IL1R2: variants seen among roughly 807,000 people sequenced by gnomAD.
IL1R2 encodes interleukin-1 receptor type 2.
IL1R2 carries 46 observed loss-of-function variants against 39.5 expected under a neutral mutation model. The observed-to-expected ratio is 1.16, with a 90% CI of 0.92 to 1.49. The LOEUF (loss-of-function observed/expected upper bound fraction) is 1.49. Among genes scored for constraint, IL1R2 ranks in the 40% most tolerant of loss-of-function variants. The pLI is 0.00. For synonymous variants in IL1R2, 207 were observed against 189.6 expected, an observed-to-expected ratio of 1.09 and a Z score of -0.75; for missense variants, 537 against 502.0, an observed-to-expected ratio of 1.07 and a Z score of -0.67.
chr2:102,007,801 C>T (rs1285050111), intron 1 of IL1R2, among the ~76,000 whole-genome samples: 1 of 152,184 alleles, frequency 6.6e-6, no homozygotes, highest in Non-Finnish European at 1.5e-5. Context: ...AATTATATTC[C>T]TCTTATACTC....
rs749273300 is a variant in IL1R2, at chr2:102,022,293, G to T, written c.751+44G>T. 4 of 1,534,082 alleles carry T rather than the reference G, an allele frequency of 2.6e-6. No homozygotes were observed. In the Admixed American group the frequency reaches 6.7e-5, roughly 26 times the overall value. On this transcript the variant is annotated intron_variant, in intron 6 of 8. Transcript: ENST00000332549. ...ATGCATTCCACGCACCTGTGGGGGT[G>T]CCTGGTATCCCAATGCAGGGGGCTT...
At chr2:102,004,074 A>G (rs374162128) in intron 1 of IL1R2, among the ~76,000 whole-genome samples, 2 of 150,556 alleles carry the variant, frequency 1.3e-5, no homozygotes, top group African/African-American at 4.9e-5. Context: ...TAGAAAGAGA[A>G]GAAGAGGGAG....
chr2:101,999,992 T>C (rs950442519), intron 1 of IL1R2, among the ~76,000 whole-genome samples: 2 of 152,232 alleles, frequency 1.3e-5, no homozygotes, highest in Non-Finnish European at 2.9e-5. Flanking sequence ...ATTTTTAGTA[T>C]AGTAACTGGT....
intron 4 of IL1R2, among the ~76,000 whole-genome samples, chr2:102,019,304 A>C (rs1301808512): frequency 6.6e-6 from 1 of 152,336 alleles, no homozygotes; most frequent in African/African-American, 2.4e-5. Context: ...ATACTTCCTA[A>C]GGCCTGAAGG....
chr2:102,020,532 G>A (rs1247878015), intron 5 of IL1R2, among the ~76,000 whole-genome samples: 1 of 152,194 alleles, frequency 6.6e-6, no homozygotes, highest in East Asian at 1.9e-4. Flanking sequence ...CTTTTGAGGG[G>A]ATTTCAGAGA....
chr2:102,001,682 G>A (rs1675868832), intron 1 of IL1R2, among the ~76,000 whole-genome samples: 1 of 152,180 alleles, frequency 6.6e-6, no homozygotes, highest in Non-Finnish European at 1.5e-5. Flanking sequence ...CTGTATCTGA[G>A]TCTAGAAAGT....
chr2:102,004,298 G>A (rs1676126960), intron 1 of IL1R2, among the ~76,000 whole-genome samples: 1 of 152,100 alleles, frequency 6.6e-6, no homozygotes, highest in Non-Finnish European at 1.5e-5. Flanking sequence ...GGCAGGTAAC[G>A]GTTACCTGGG....
At chr2:101,994,199 G>A (rs1173037338) in intron 1 of IL1R2, among the ~76,000 whole-genome samples, 2 of 152,102 alleles carry the variant, frequency 1.3e-5, no homozygotes, top group African/African-American at 4.8e-5. Flanking sequence ...CAGTTGGCCT[G>A]GGAGCCTCCT....
At chr2:101,992,927 A>C (rs1675420233) in intron 1 of IL1R2, among the ~76,000 whole-genome samples, 1 of 151,962 alleles carries the variant, frequency 6.6e-6, no homozygotes, top group African/African-American at 2.4e-5. Flanking sequence ...GCATTACTTG[A>C]TATTTCTGGG....
At chr2:102,004,390 T>C (rs1362013129) in intron 1 of IL1R2, among the ~76,000 whole-genome samples, 1 of 152,034 alleles carries the variant, frequency 6.6e-6, no homozygotes, top group African/African-American at 2.4e-5. Flanking sequence ...TTTCCTTCCT[T>C]TCACACTTCA....
chr2:102,019,689 A>T lies in IL1R2; in HGVS notation c.565A>T (p.Thr189Ser), dbSNP rs770178675. The change falls in exon 5 of 9, where the codon ACC becomes TCC. Residue 189 changes from threonine (T) to serine (S), a missense_variant. By Grantham distance (58) the Thr-to-Ser change is moderately conservative (BLOSUM62 1). Transcript: ENST00000332549. ...TGAGAAATTTCTAAGTGTGAGGGGG[A>T]CCACTCACTTACTCGTACACGATGT... ...DNEKFLSVRG[T>S]THLLVHDVAL... 6.2e-7 allele frequency: 1 copy of T among 1,612,968 alleles called. No homozygotes were observed. The highest frequency in any genetic ancestry group is 1.1e-5 in the South Asian group (1 of 91,034).
intron 5 of IL1R2, among the ~76,000 whole-genome samples, chr2:102,021,075 G>A (rs1677354919): frequency 6.6e-6 from 1 of 152,166 alleles, no homozygotes; most frequent in African/African-American, 2.4e-5. Flanking sequence ...ATAGGGCAGC[G>A]CGTGACTTGG....
chr2:102,009,162 C>T (rs1676459712), intron 2 of IL1R2, among the ~76,000 whole-genome samples: 2 of 152,128 alleles, frequency 1.3e-5, no homozygotes, highest in South Asian at 4.1e-4. Flanking sequence ...TGGAGTTTAA[C>T]CATACGACGT....
At chr2:102,019,489 C>T (rs1044024675) in intron 4 of IL1R2, 149 bp from the exon 5 acceptor site, 16 of 611,998 alleles carry the variant, frequency 2.6e-5, no homozygotes, top group Admixed American at 3.2e-5. Context: ...TACAGTCAAA[C>T]GTATGCCCAA....
intron 3 of IL1R2, among the ~76,000 whole-genome samples, chr2:102,013,240 A>G (rs2150440776): frequency 6.6e-6 from 1 of 152,274 alleles, no homozygotes; most frequent in East Asian, 1.9e-4. Context: ...GCATGATGGG[A>G]AGGTTTACCT....
chr2:102,001,446 C>T (rs1165750999), intron 1 of IL1R2, among the ~76,000 whole-genome samples: 1 of 152,210 alleles, frequency 6.6e-6, no homozygotes, highest in African/African-American at 2.4e-5. Context: ...TCTCACCAGA[C>T]CCCACCAGGG....
chr2:102,002,353 T>TGTGTCTGTGTTG (rs1553613383), intron 1 of IL1R2, among the ~76,000 whole-genome samples: 9 of 147,326 alleles, frequency 6.1e-5, no homozygotes, highest in African/African-American at 2.0e-4. Context: ...CGGGTGTGTC[T>TGTGTCTGTGTTG]GTGTCTGTGT....
chr2:102,022,517 G>A (rs1024996948), intron 6 of IL1R2, among the ~76,000 whole-genome samples: 3 of 152,256 alleles, frequency 2.0e-5, no homozygotes, highest in African/African-American at 7.2e-5. Flanking sequence ...ATCTGAATGT[G>A]AAAATCTGAA....
At chr2:102,019,319 A>G (rs1677209516) in intron 4 of IL1R2, among the ~76,000 whole-genome samples, 1 of 152,264 alleles carries the variant, frequency 6.6e-6, no homozygotes, top group Non-Finnish European at 1.5e-5. Flanking sequence ...TGAAGGTAGC[A>G]GTCAGGACAT....
Sources: allele counts gnomAD v4.1 joint callset (sites outside exome capture counted in the v4.1 genomes callset), GRCh38; gene constraint gnomAD v4.1.1; transcripts MANE v1.5; gene names NCBI Gene and HGNC (gene_info 2026-07-23, HGNC 2026-07-21).